Variants in PLCD1 observed in about 807,000 individuals in gnomAD.
PLCD1 encodes the protein phospholipase C delta 1.
PLCD1 carries 71 observed loss-of-function variants against 87.4 expected under a neutral mutation model. The observed-to-expected ratio is 0.81, with a 90% CI of 0.67 to 0.99. The LOEUF is 0.99. Ranked by LOEUF, PLCD1 falls within the 50% of genes least tolerant of loss-of-function variation. The probability of loss-of-function intolerance (pLI) is 0.00; values close to 1 mark genes in which losing one functional copy is unlikely to be tolerated. For synonymous variants in PLCD1, 348 were observed against 399.2 expected (o/e 0.87, Z 1.53); for missense variants, 867 against 1,001.5 (o/e 0.87, Z 1.81).
intron 9 of PLCD1, 82 bp from the exon 10 acceptor site, chr3:38,009,513 AGAGACAGAGG>A: frequency 6.4e-7 from 1 of 1,573,736 alleles, no homozygotes; most frequent in Non-Finnish European, 8.7e-7. Flanking sequence ...CCAGGCGCAG[AGAGACAGAGG>A]GAGACAGACA....
chr3:38,008,387 A>G lies in PLCD1; in HGVS notation c.1903-20T>C, dbSNP rs750456217. The G allele has an allele frequency of 8.7e-6, 14 of 1,614,088 alleles. No individual in the cohort carries two copies. The highest frequency in any genetic ancestry group is 9.3e-6 in the Non-Finnish European group (11 of 1,180,032). On this transcript the variant is annotated intron_variant, in intron 12 of 14. Transcript: ENST00000334661. ...AATGACCTGAGGAAAGGCAGAGGAC[A>G]ATGGACAGTTCAGGAGTGGTAGCGG...
Position 38,016,534 on chromosome 3 carries a change from T to A in PLCD1, c.385A>T (p.Ile129Phe). 6.2e-7 allele frequency: 1 copy of A among 1,614,054 alleles called. No individual in the cohort carries two copies. The highest frequency in any genetic ancestry group is 1.3e-5 in the African/African-American group (1 of 75,042). ...TGGTCCATGGAGCCTGAGTGGTGGA[T>A]GATCTTGTGCAGCCCCAGCACCCAG... ...QHWVLGLHKI[I>F]HHSGSMDQRQ... Residue 129 changes from isoleucine (I) to phenylalanine (F), a missense_variant, in exon 3 of 15, where the codon ATC (isoleucine) becomes TTC (phenylalanine). Ile to Phe is a conservative substitution (Grantham distance 21, BLOSUM62 0). Coordinates refer to ENST00000334661, the MANE Select transcript of PLCD1 (RefSeq NM_006225.4).
chr3:38,010,409 A>T lies in PLCD1; in HGVS notation c.944T>A (p.Leu315Gln), dbSNP rs745579619. The T allele has an allele frequency of 3.7e-6, 6 of 1,614,234 alleles. No individual in the cohort carries two copies. The Admixed American group carries it at 1.0e-4, about 27-fold the overall frequency. The change falls in exon 6 of 15, where the codon CTG becomes CAG. Residue 315 changes from leucine to glutamine, a missense_variant. Coordinates refer to ENST00000334661, the MANE Select transcript of PLCD1 (RefSeq NM_006225.4). Reference protein sequence around the residue: ...YLVSSSHNTYLLEDQLAGPSS... With the variant: ...YLVSSSHNTYQLEDQLAGPSS... Reference sequence around the variant, plus strand: ...GGGCCCGGCTAGCTGGTCCTCCAGCAGGTAGGTGTTGTGTGAAGAGGACAC... The same window carrying T: ...GGGCCCGGCTAGCTGGTCCTCCAGCTGGTAGGTGTTGTGTGAAGAGGACAC...
intron 8 of PLCD1, 22 bp downstream of exon 8, chr3:38,009,882 A>T (rs755399840): frequency 6.4e-7 from 1 of 1,550,518 alleles, no homozygotes; most frequent in South Asian, 1.1e-5. Context: ...TCCCCCAGGG[A>T]TCCCCCATCC....
At chr3:38,028,512 A>G (rs973239493) in intron 1 of PLCD1, among the ~76,000 whole-genome samples, 6 of 152,178 alleles carry the variant, frequency 3.9e-5, no homozygotes, top group Non-Finnish European at 7.4e-5. Flanking sequence ...TTTCCCATCT[A>G]TTATGTCCAT....
chr3:38,013,773 T>G, intron 3 of PLCD1, among the ~76,000 whole-genome samples: 1 of 152,222 alleles, frequency 6.6e-6, no homozygotes. Flanking sequence ...AAGGTGGGAT[T>G]ATGACAAAAA....
intron 3 of PLCD1, 80 bp downstream of exon 3, chr3:38,016,411 T>C (rs377219051): frequency 1.1e-5 from 10 of 911,012 alleles, no homozygotes; most frequent in Non-Finnish European, 1.8e-6. Flanking sequence ...TAAACCAGCT[T>C]CCATACCCAA....
chr3:38,028,449 C>T (rs561559714), intron 1 of PLCD1, among the ~76,000 whole-genome samples: 30 of 152,294 alleles, frequency 2.0e-4, no homozygotes, highest in Middle Eastern at 3.4e-3. Context: ...TCTCTAAGTC[C>T]CTCTAAATTC....
rs766455909 is a variant in PLCD1 at position 38,010,382 on chromosome 3, C to T, written c.971G>A (p.Ser324Asn). ...YLLEDQLAGP[S>N]STEAYIRALC... Reference sequence around the variant, plus strand: ...GCACCGGATGTAGGCTTCAGTGCTGCTGGGCCCGGCTAGCTGGTCCTCCAG... The same window carrying T: ...GCACCGGATGTAGGCTTCAGTGCTGTTGGGCCCGGCTAGCTGGTCCTCCAG... The change falls in exon 6 of 15, where the codon AGC becomes AAC. Residue 324 changes from serine to asparagine, a missense_variant. Transcript: ENST00000334661. 6.2e-7 allele frequency: 1 copy of T among 1,614,218 alleles called. No homozygotes were observed. The highest frequency in any genetic ancestry group is 8.5e-7 in the Non-Finnish European group (1 of 1,180,038).
intron 3 of PLCD1, among the ~76,000 whole-genome samples, chr3:38,012,837 C>A (rs998250335): frequency 6.6e-6 from 1 of 151,934 alleles, no homozygotes. Flanking sequence ...TTTTAAAGAT[C>A]TACCTACCTC....
At chr3:38,023,198 C>T (rs568804622) in intron 1 of PLCD1, among the ~76,000 whole-genome samples, 1 of 152,080 alleles carries the variant, frequency 6.6e-6, no homozygotes, top group East Asian at 1.9e-4. Context: ...GGACCCACAG[C>T]GATACACAGC....
At chr3:38,024,685 A>G (rs1700286369) in intron 1 of PLCD1, 1 of 1,499,352 alleles carries the variant, frequency 6.7e-7, no homozygotes, top group Non-Finnish European at 8.9e-7. Flanking sequence ...GAGCTAGTCC[A>G]CGAGCGGCGG....
chr3:38,016,130 A>G (rs1700150990), intron 3 of PLCD1, among the ~76,000 whole-genome samples: 2 of 152,184 alleles, frequency 1.3e-5, no homozygotes, highest in Non-Finnish European at 2.9e-5. Context: ...CCTTTGGAAG[A>G]TAACTTGGTT....
At chr3:38,019,171 C>T (rs1391193344) in intron 2 of PLCD1, 3 of 152,328 alleles carry the variant, frequency 2.0e-5, no homozygotes, top group Non-Finnish European at 4.4e-5. Context: ...TCTCCCCACC[C>T]ACACCTCAGC....
At chr3:38,027,045 G>T (rs11927181) in intron 1 of PLCD1, among the ~76,000 whole-genome samples, 6,228 of 152,232 alleles carry the variant, frequency 0.041, 154 homozygotes, top group South Asian at 0.077. Context: ...AATGTCCTTT[G>T]GGGCACATCG....
At position 38,007,679 on chromosome 3, in the gene PLCD1, A is replaced by G; in HGVS notation, c.*94T>C. 1 of 965,828 alleles carries G rather than the reference A, an allele frequency of 1.0e-6. No homozygotes were observed. Among genetic ancestry groups the G allele is most frequent in the Non-Finnish European group, 1.7e-6 (1 of 602,178 alleles). The allele number at this position is 965,828 out of a possible 1,614,324, so 59.8% of individuals were successfully genotyped here. A position where few individuals can be genotyped will look rare whatever the true frequency, so the allele number is the denominator to read the frequency against. On this transcript the variant is annotated 3_prime_UTR_variant, in exon 15 of 15. Coordinates refer to ENST00000334661, the MANE Select transcript of PLCD1 (RefSeq NM_006225.4). ...AAGGCAATTTGGGGGCCTAGCTCTG[A>G]GCAAGAGGCTGGGAGCAGCCACACC...
rs1173358905 is a variant in PLCD1 at position 38,009,362 on chromosome 3, C to A, written c.1516G>T (p.Gly506Cys). The A allele has an allele frequency of 6.2e-7, 1 of 1,614,136 alleles. No homozygotes were observed. Residue 506 changes from glycine (G) to cysteine (C), a missense_variant, in exon 10 of 15, where the codon GGC (glycine) becomes TGC (cysteine). Gly to Cys is a radical substitution (Grantham distance 159, BLOSUM62 -3). Coordinates refer to ENST00000334661, the MANE Select transcript of PLCD1 (RefSeq NM_006225.4). Reference protein sequence around the residue: ...VIYCKSVHFGGFSSPGTPGQA... With the variant: ...VIYCKSVHFGCFSSPGTPGQA... ...CCAGGGGTGCCAGGACTGGAGAAGC[C>A]CCCAAAGTGGACACTCTTGCAGTAA...
Position 38,020,360 on chromosome 3 carries a change from T to A in PLCD1, c.35-8A>T. 1 of 1,613,662 alleles carries A rather than the reference T, an allele frequency of 6.2e-7. No homozygotes were observed. The highest frequency in any genetic ancestry group is 8.5e-7 in the Non-Finnish European group (1 of 1,179,904). ...CCTCATCATCCTGTAGGCCTGGGGA[T>A]CAAAGCCAGTAAGATGCCACCTTCT... On this transcript the variant is annotated splice_region_variant and splice_polypyrimidine_tract_variant and intron_variant, in intron 1 of 14. Transcript: ENST00000334661.
At chr3:38,024,405 C>T (rs1193287909) in intron 1 of PLCD1, 2 of 1,612,584 alleles carry the variant, frequency 1.2e-6, no homozygotes, top group Non-Finnish European at 1.7e-6. Context: ...CCTGGAGCGG[C>T]TCCGGCTCCG....
Sources: allele counts gnomAD v4.1 joint callset (sites outside exome capture counted in the v4.1 genomes callset), GRCh38; gene constraint gnomAD v4.1.1; transcripts MANE v1.5; gene names NCBI Gene and HGNC (gene_info 2026-07-23, HGNC 2026-07-21).